The following DCDC1 variants were observed in gnomAD, a reference collection of about 807,000 sequenced individuals.
The protein encoded by DCDC1 is doublecortin domain containing 1.
A neutral mutation model predicts 178.3 loss-of-function variants in DCDC1; 200 were observed. The observed-to-expected ratio is 1.12, with a 90% CI of 1.00 to 1.26. The LOEUF is 1.26. Among genes scored for constraint, DCDC1 ranks in the 50% most tolerant of loss-of-function variants. The pLI is 0.00. For missense variants in DCDC1, 1,983 were observed against 1,749.2 expected (o/e 1.13, Z -2.38); for synonymous variants, 690 against 604.8 (o/e 1.14, Z -2.07).
intron 36 of DCDC1, among the ~76,000 whole-genome samples, chr11:30,888,082 G>GAGAGAAAGAA (rs1554958916): frequency 5.2e-5 from 5 of 96,306 alleles, no homozygotes; most frequent in Admixed American, 1.2e-4. Context: ...GAGAGAGAGA[G>GAGAGAAAGAA]AGAAAGAAAG....
At chr11:31,292,842 T>C (rs1237570333) in intron 6 of DCDC1, among the ~76,000 whole-genome samples, 1 of 81,976 alleles carries the variant, frequency 1.2e-5, no homozygotes, top group Non-Finnish European at 2.5e-5. Flanking sequence ...ACAGTATTTC[T>C]CTGGGAAAAA....
In DCDC1 at chr11:31,173,870, C is replaced by A. The variant is rs143828897; in HGVS notation, c.1222-36086G>T. 1.0e-3 allele frequency among the ~76,000 whole-genome samples: 154 copies of A among 152,192 alleles called. 2 individuals are homozygous for A. In the East Asian group the frequency reaches 0.024, roughly 24 times the overall value. On this transcript the variant is annotated intron_variant, in intron 9 of 38. Coordinates refer to ENST00000684477, the MANE Select transcript of DCDC1 (RefSeq NM_001387274.1). Reference sequence around the variant, plus strand: ...AGAATGTGCATATTCTATAAAGGATCTCATTCATGTGCTGTCTGTCTAAAT... The same window carrying A: ...AGAATGTGCATATTCTATAAAGGATATCATTCATGTGCTGTCTGTCTAAAT...
At chr11:31,042,106 A>G (rs1377871607) in intron 20 of DCDC1, among the ~76,000 whole-genome samples, 2 of 152,140 alleles carry the variant, frequency 1.3e-5, no homozygotes, top group Non-Finnish European at 2.9e-5. Context: ...TTCTCCAACA[A>G]TGCAGGATAA....
At position 30,908,221 on chromosome 11, in the gene DCDC1, A is replaced by C. The variant is rs533119661; in HGVS notation, c.3918+725T>G. On this transcript the variant is annotated intron_variant, in intron 29 of 38. Transcript: ENST00000684477. ...GAAAACCTATGAAGATTCTGGCCCCAAAAAATGTTAAACATAAATCTAATT... is the reference window on the plus strand; with the variant it reads ...GAAAACCTATGAAGATTCTGGCCCCCAAAAATGTTAAACATAAATCTAATT... Among the ~76,000 whole-genome samples, 7 of 152,328 alleles carry C rather than the reference A, an allele frequency of 4.6e-5. No individual in the cohort carries two copies. In the South Asian group the frequency reaches 1.0e-3, roughly 23 times the overall value.
chr11:31,053,165 C>T (rs933497410), intron 20 of DCDC1, among the ~76,000 whole-genome samples: 2 of 151,936 alleles, frequency 1.3e-5, no homozygotes, highest in African/African-American at 4.8e-5. Context: ...CAACTGATAC[C>T]ACTGAAATAC....
At chr11:30,909,205 G>C in intron 28 of DCDC1, 89 bp from the exon 29 acceptor site, 1 of 1,164,548 alleles carries the variant, frequency 8.6e-7, no homozygotes, top group Non-Finnish European at 1.2e-6. Flanking sequence ...AGAAAGTGCA[G>C]ATAATTACTC....
intron 26 of DCDC1, among the ~76,000 whole-genome samples, chr11:30,916,322 C>T (rs966064404): frequency 1.3e-5 from 2 of 152,196 alleles, no homozygotes; most frequent in Admixed American, 6.5e-5. Flanking sequence ...GCCCCTACTA[C>T]GTGCATGGCC....
chr11:31,310,467 T>C (rs1272411694), intron 3 of DCDC1, among the ~76,000 whole-genome samples: 1 of 151,796 alleles, frequency 6.6e-6, no homozygotes, highest in Admixed American at 6.6e-5. Flanking sequence ...TACAGGCGCA[T>C]GCAACCACGC....
At chr11:31,213,681 C>T (rs1166067622) in intron 9 of DCDC1, among the ~76,000 whole-genome samples, 1 of 151,128 alleles carries the variant, frequency 6.6e-6, no homozygotes, top group East Asian at 1.9e-4. Context: ...GATCACGCCA[C>T]TGCACTCCAG....
intron 28 of DCDC1, among the ~76,000 whole-genome samples, chr11:30,910,387 A>G (rs554652404): frequency 6.6e-6 from 1 of 152,254 alleles, no homozygotes; most frequent in South Asian, 2.1e-4. Context: ...TGTTATATGT[A>G]CTCTATCTCC....
intron 34 of DCDC1, among the ~76,000 whole-genome samples, chr11:30,897,016 T>G (rs73465108): frequency 0.022 from 3,327 of 152,298 alleles, 129 homozygotes; most frequent in African/African-American, 0.074. Context: ...AAGCTCACAA[T>G]CTTATAGGCC....
chr11:31,128,108 T>A (rs1287206589), intron 10 of DCDC1, among the ~76,000 whole-genome samples: 1 of 152,042 alleles, frequency 6.6e-6, no homozygotes, highest in African/African-American at 2.4e-5. Flanking sequence ...AAATTCATTA[T>A]CATTTTGTTG....
chr11:31,139,642 C>A (rs1347040476), intron 9 of DCDC1, among the ~76,000 whole-genome samples: 9 of 152,180 alleles, frequency 5.9e-5, no homozygotes. Flanking sequence ...CTCTTTGGTG[C>A]CACAGCAGGT....
intron 17 of DCDC1, among the ~76,000 whole-genome samples, chr11:31,091,147 G>A (rs1017993004): frequency 2.0e-5 from 3 of 152,156 alleles, no homozygotes; most frequent in African/African-American, 7.2e-5. Flanking sequence ...GCAGCAGTTT[G>A]TCTACGACAT....
chr11:31,267,869 T>G (rs900208015), intron 7 of DCDC1, among the ~76,000 whole-genome samples: 1 of 152,254 alleles, frequency 6.6e-6, no homozygotes, highest in Non-Finnish European at 1.5e-5. Context: ...TTTAATACTC[T>G]AATTAACACA....
chr11:30,892,407 A>T (rs1237803286), intron 36 of DCDC1, among the ~76,000 whole-genome samples: 1 of 152,106 alleles, frequency 6.6e-6, no homozygotes, highest in Non-Finnish European at 1.5e-5. Flanking sequence ...TGTGAACTGG[A>T]TTTAAAATGG....
chr11:31,249,852 T>G (rs921660103), intron 8 of DCDC1, among the ~76,000 whole-genome samples: 2 of 152,176 alleles, frequency 1.3e-5, no homozygotes, highest in Admixed American at 1.3e-4. Flanking sequence ...AGCCTAATCT[T>G]AATTCCCTAA....
intron 20 of DCDC1, among the ~76,000 whole-genome samples, chr11:30,972,047 G>T (rs1400369340): frequency 6.6e-6 from 1 of 152,118 alleles, no homozygotes; most frequent in Admixed American, 6.6e-5. Flanking sequence ...AAACAAAAAG[G>T]ATAGAAAACA....
intron 21 of DCDC1, among the ~76,000 whole-genome samples, chr11:30,947,659 G>T (rs530783190): frequency 1.3e-5 from 2 of 152,186 alleles, no homozygotes; most frequent in African/African-American, 4.8e-5. Flanking sequence ...AGTCTGGGAA[G>T]AATTTCTTGA....
Sources: allele counts gnomAD v4.1 joint callset (sites outside exome capture counted in the v4.1 genomes callset), GRCh38; gene constraint gnomAD v4.1.1; transcripts MANE v1.5; gene names NCBI Gene and HGNC (gene_info 2026-07-23, HGNC 2026-07-21).